KICS2: variants seen among roughly 807,000 people sequenced by gnomAD.
KICS2 encodes KICSTOR complex protein C12orf66.
KICS2 carries 13 observed loss-of-function variants against 31.4 expected under a neutral mutation model. The observed-to-expected ratio is 0.41, with a 90% CI of 0.27 to 0.66. KICS2 has a LOEUF of 0.66. KICS2 is among the 30% of genes least tolerant of loss of function. KICS2 has a pLI of 0.28. For missense variants in KICS2, 455 were observed against 545.4 expected (o/e 0.83, Z 1.65); for synonymous variants, 209 against 214.8 (o/e 0.97, Z 0.24).
downstream of KICS2, among the ~76,000 whole-genome samples, chr12:64,188,267 G>A (rs1427438060): frequency 6.6e-6 from 1 of 152,194 alleles, no homozygotes; most frequent in East Asian, 1.9e-4. Flanking sequence ...GCTCACGTCT[G>A]TAATCCCAGC....
intron 2 of KICS2, among the ~76,000 whole-genome samples, chr12:64,214,517 T>C (rs2037610686): frequency 6.6e-6 from 1 of 152,156 alleles, no homozygotes; most frequent in African/African-American, 2.4e-5. Context: ...TATTCTGAAA[T>C]ATCCTCTCAT....
chr12:64,206,428 T>G (rs967767062), intron 2 of KICS2, among the ~76,000 whole-genome samples: 14 of 152,294 alleles, frequency 9.2e-5, no homozygotes, highest in African/African-American at 3.1e-4. Context: ...TATAAAAAAT[T>G]ACCCAGAGAT....
Position 64,220,321 on chromosome 12 carries a change from C to T in KICS2, c.235+1682G>A, listed in dbSNP as rs142245601. Among the ~76,000 whole-genome samples, 115 of 152,286 alleles carry T rather than the reference C, an allele frequency of 7.6e-4. 1 individual carries two copies. Among genetic ancestry groups the T allele is most frequent in the African/African-American group, 2.6e-3 (106 of 41,556 alleles). On this transcript the variant is annotated intron_variant, in intron 1 of 2. Transcript: ENST00000398055. ...AGTCAGAGACAGTGAAGATCTTATA[C>T]ACACATTCTTACACACAGGGCAGCC...
In KICS2 at chr12:64,191,598, T is replaced by C. The variant is rs1006861467; in HGVS notation, c.*2244A>G. 3 of 152,202 alleles carry C rather than the reference T, an allele frequency of 2.0e-5. No homozygotes were observed. Among genetic ancestry groups the C allele is most frequent in the African/African-American group, 4.8e-5 (2 of 41,470 alleles). The allele number at this position is 152,202 out of a possible 1,614,324, so 9.4% of individuals were successfully genotyped here. ...TTTTCAGTTTCTTGGCAGAACACAA[T>C]AGAGAGGAAAAGTGATTTGACTTTT... On this transcript the variant is annotated 3_prime_UTR_variant, in exon 3 of 3. Transcript: ENST00000398055.
At chr12:64,219,506 T>C (rs1407851256) in intron 1 of KICS2, among the ~76,000 whole-genome samples, 1 of 152,216 alleles carries the variant, frequency 6.6e-6, no homozygotes. Context: ...CCCTGCTTGC[T>C]TCTTTAATCA....
downstream of KICS2, chr12:64,187,501 A>C: frequency 1.2e-6 from 1 of 819,244 alleles, no homozygotes; most frequent in Non-Finnish European, 2.0e-6. Context: ...CAAGGCATTA[A>C]TGAAACCTTA....
In KICS2 at chr12:64,193,814, C is replaced by G; in HGVS notation, c.*28G>C. 2 of 1,588,846 alleles carry G rather than the reference C, an allele frequency of 1.3e-6. No homozygotes were observed. Among genetic ancestry groups the G allele is most frequent in the South Asian group, 1.2e-5 (1 of 85,486 alleles). On this transcript the variant is annotated 3_prime_UTR_variant, in exon 3 of 3. Transcript: ENST00000398055. Reference sequence around the variant, plus strand: ...AGGGCAATTAAGAACAGTTTCTAGTCTTGAAACCCCTCCACGCAAATCACC... The same window carrying G: ...AGGGCAATTAAGAACAGTTTCTAGTGTTGAAACCCCTCCACGCAAATCACC...
chr12:64,188,375 T>C (rs1432552670), downstream of KICS2, among the ~76,000 whole-genome samples: 2 of 152,052 alleles, frequency 1.3e-5, no homozygotes, highest in Non-Finnish European at 2.9e-5. Flanking sequence ...CATACAAAAA[T>C]TAGCCGGGCA....
At chr12:64,210,959 G>A (rs1054287282) in intron 2 of KICS2, among the ~76,000 whole-genome samples, 2 of 152,068 alleles carry the variant, frequency 1.3e-5, no homozygotes, top group African/African-American at 4.8e-5. Context: ...TGCAGACCAC[G>A]TATCATTATC....
intron 2 of KICS2, among the ~76,000 whole-genome samples, chr12:64,204,576 C>T (rs955568934): frequency 6.6e-6 from 1 of 152,026 alleles, no homozygotes; most frequent in African/African-American, 2.4e-5. Context: ...ATTAGGAGCC[C>T]AGGAGTTCGA....
chr12:64,222,264 G>A lies in KICS2; in HGVS notation c.-27C>T, dbSNP rs1302601143. Reference sequence around the variant, plus strand: ...CGAGCTGCGCCCCAGCTCGACCCACGTGGCTCTCCTCGGCCTCGCACTTCC... The same window carrying A: ...CGAGCTGCGCCCCAGCTCGACCCACATGGCTCTCCTCGGCCTCGCACTTCC... On this transcript the variant is annotated 5_prime_UTR_variant, in exon 1 of 3. In the 5' UTR this introduces an upstream ATG that the reference lacks. Coordinates refer to ENST00000398055, the MANE Select transcript of KICS2 (RefSeq NM_152440.5). 6.2e-7 allele frequency: 1 copy of A among 1,610,274 alleles called. No individual in the cohort carries two copies. Among genetic ancestry groups the A allele is most frequent in the Non-Finnish European group, 8.5e-7 (1 of 1,178,430 alleles).
intron 2 of KICS2, among the ~76,000 whole-genome samples, chr12:64,212,037 G>T (rs577829064): frequency 6.6e-6 from 1 of 152,178 alleles, no homozygotes; most frequent in East Asian, 1.9e-4. Context: ...AATAACTCAG[G>T]GAAGTACAAT....
rs2037690644 is a variant in KICS2, at chr12:64,222,199, C to T, written c.39G>A (p.Val13=). The T allele has an allele frequency of 6.2e-7, 1 of 1,613,964 alleles. No homozygotes were observed. Among genetic ancestry groups the T allele is most frequent in the Non-Finnish European group, 8.5e-7 (1 of 1,179,972 alleles). Residue 13 remains valine, a synonymous_variant, in exon 1 of 3, where the codon GTG becomes GTA. Coordinates refer to ENST00000398055, the MANE Select transcript of KICS2 (RefSeq NM_152440.5). The part of the protein sequence containing the change: ...ESIPLAAPVP[V]EQAVLETFFS... The stretch of plus-strand genomic sequence containing the variant: ...AGAACGTCTCCAGCACCGCCTGTTC[C>T]ACCGGGACCGGGGCGGCCAGCGGGA...
At chr12:64,208,032 C>T (rs1176615298) in intron 2 of KICS2, among the ~76,000 whole-genome samples, 1 of 152,138 alleles carries the variant, frequency 6.6e-6, no homozygotes, top group African/African-American at 2.4e-5. Context: ...CTTTGATTCT[C>T]TCTCTCTCAC....
intron 2 of KICS2, among the ~76,000 whole-genome samples, chr12:64,205,199 C>CTT (rs1273825469): frequency 6.6e-6 from 1 of 152,142 alleles, no homozygotes; most frequent in East Asian, 1.9e-4. Context: ...CATTCAAATC[C>CTT]AATGCTCTCC....
At chr12:64,203,780 C>T (rs149830309) in intron 2 of KICS2, among the ~76,000 whole-genome samples, 6 of 152,166 alleles carry the variant, frequency 3.9e-5, no homozygotes, top group East Asian at 1.9e-4. Flanking sequence ...AGAGAGAAAC[C>T]GATTATCATG....
chr12:64,195,840 G>C (rs1037551476), intron 2 of KICS2, among the ~76,000 whole-genome samples: 2 of 152,234 alleles, frequency 1.3e-5, no homozygotes, highest in African/African-American at 4.8e-5. Context: ...AAGGGGTGAC[G>C]GACGCACCTG....
At chr12:64,209,354 C>G (rs927999361) in intron 2 of KICS2, among the ~76,000 whole-genome samples, 1 of 151,998 alleles carries the variant, frequency 6.6e-6, no homozygotes, top group African/African-American at 2.4e-5. Context: ...GGATGCTAAG[C>G]GGGGTTGATC....
chr12:64,218,530 A>AT (rs1193699632), intron 1 of KICS2, among the ~76,000 whole-genome samples: 2 of 152,198 alleles, frequency 1.3e-5, no homozygotes, highest in African/African-American at 4.8e-5. Context: ...TAACTGATAC[A>AT]TTTTTTAAAA....
Sources: gnomAD v4.1 joint callset for allele counts (sites outside exome capture counted in the v4.1 genomes callset) on GRCh38, gnomAD v4.1.1 for gene constraint, MANE v1.5 for transcripts, NCBI Gene and HGNC (gene_info 2026-07-23, HGNC 2026-07-21) for gene names.